Variants in CHN2 observed in about 807,000 individuals in gnomAD.
CHN2 encodes chimerin 2.
A neutral mutation model predicts 56.3 loss-of-function variants in CHN2; 35 were observed. The ratio of observed to expected loss-of-function variants is 0.62; its 90% CI spans 0.47 to 0.82. The LOEUF is 0.82. Among genes scored for constraint, CHN2 ranks in the 40% least tolerant of loss-of-function variants. CHN2 has a pLI of 0.00. For synonymous variants in CHN2, 210 were observed against 212.8 expected, an observed-to-expected ratio of 0.99 and a Z score of 0.12; for missense variants, 491 against 580.5, an observed-to-expected ratio of 0.85 and a Z score of 1.58.
intron 1 of CHN2, among the ~76,000 whole-genome samples, chr7:29,264,242 C>T (rs1037790682): frequency 1.4e-5 from 2 of 145,670 alleles, no homozygotes; most frequent in African/African-American, 5.1e-5. Flanking sequence ...GGTGGGGGGC[C>T]CCTCTGCCCA....
intron 1 of CHN2, among the ~76,000 whole-genome samples, chr7:29,286,116 T>A (rs1438041528): frequency 2.6e-5 from 4 of 152,036 alleles, no homozygotes; most frequent in Non-Finnish European, 4.4e-5. Context: ...AGGAGCCTCT[T>A]TTCGAGGATG....
chr7:29,258,859 C>CACTTCCATCTTTCTATCTTT lies in CHN2; in HGVS notation c.49+63872_49+63891dup, dbSNP rs1348919325. Among the ~76,000 whole-genome samples the CACTTCCATCTTTCTATCTTT allele has an allele frequency of 2.6e-5, 4 of 152,122 alleles. No individual in the cohort carries two copies. In the East Asian group the frequency reaches 7.7e-4, roughly 29 times the overall value. The stretch of plus-strand genomic sequence containing the variant: ...TCTAACAGAAGTACACATGCAATCC[C>CACTTCCATCTTTCTATCTTT]ACTTCCATCTTTCTATCTTTACAAG... On this transcript the variant is annotated intron_variant, in intron 1 of 12. Transcript: ENST00000222792.
chr7:29,223,894 A>T (rs1300476598), intron 1 of CHN2, among the ~76,000 whole-genome samples: 1 of 152,166 alleles, frequency 6.6e-6, no homozygotes, highest in Non-Finnish European at 1.5e-5. Flanking sequence ...CAAAAATTTT[A>T]GTTGCGATGT....
intron 6 of CHN2, among the ~76,000 whole-genome samples, chr7:29,412,253 A>C (rs1290026279): frequency 2.0e-5 from 3 of 150,762 alleles, no homozygotes; most frequent in African/African-American, 7.3e-5. Context: ...GCTCCACAAC[A>C]TATATATATG....
At chr7:29,194,649 C>G (rs1783386821), upstream of CHN2, 1 of 322,458 alleles carries the variant, frequency 3.1e-6, no homozygotes, top group Admixed American at 5.1e-5. Context: ...CGAGATCCGC[C>G]CGTCCCGGCT....
intron 1 of CHN2, among the ~76,000 whole-genome samples, chr7:29,296,455 T>G (rs900080158): frequency 6.6e-6 from 1 of 152,234 alleles, no homozygotes; most frequent in Non-Finnish European, 1.5e-5. Context: ...ATGCTGTATT[T>G]GTAAGGATTC....
intron 1 of CHN2, among the ~76,000 whole-genome samples, chr7:29,268,316 A>G (rs1790320907): frequency 1.3e-5 from 2 of 151,488 alleles, no homozygotes; most frequent in Admixed American, 1.3e-4. Context: ...ACACACACAC[A>G]CACACAATGT....
chr7:29,506,628 T>C (rs1030898125), intron 10 of CHN2, among the ~76,000 whole-genome samples: 15 of 152,172 alleles, frequency 9.9e-5, no homozygotes, highest in Admixed American at 5.9e-4. Context: ...CAGAGTGAGA[T>C]TCTGTCTCAC....
intron 1 of CHN2, among the ~76,000 whole-genome samples, chr7:29,317,313 C>T (rs1795022471): frequency 6.6e-6 from 1 of 152,192 alleles, no homozygotes; most frequent in East Asian, 1.9e-4. Context: ...TAAATTGGTA[C>T]GAGTAATGAT....
chr7:29,252,583 T>TTTTTTTTTTTTTGTTTTG (rs1788681880), intron 1 of CHN2, among the ~76,000 whole-genome samples: 1 of 19,252 alleles, frequency 5.2e-5, no homozygotes, highest in Non-Finnish European at 8.0e-5. Flanking sequence ...TCTTTGTTTT[T>TTTTTTTTTTTTTGTTTTG]TTTTTTTTTT....
chr7:29,223,341 C>T lies in CHN2; in HGVS notation c.49+28351C>T, dbSNP rs139304134. 1.5e-3 allele frequency among the ~76,000 whole-genome samples: 232 copies of T among 152,262 alleles called. 1 individual carries two copies. The highest frequency in any genetic ancestry group is 5.2e-3 in the African/African-American group (217 of 41,556). ...GCATCCCAAACCCCTCTCATTTAGT[C>T]TTGCCTTGTGTCCACAGCCTTCTCA... On this transcript the variant is annotated intron_variant, in intron 1 of 12. Transcript: ENST00000222792.
intron 1 of CHN2, among the ~76,000 whole-genome samples, chr7:29,258,508 TC>T (rs1789258265): frequency 1.3e-5 from 2 of 152,310 alleles, no homozygotes; most frequent in South Asian, 2.1e-4. Flanking sequence ...GCCTGTTAAT[TC>T]CCTTTTCTTC....
At chr7:29,338,677 C>T (rs1796811366) in intron 1 of CHN2, among the ~76,000 whole-genome samples, 1 of 152,176 alleles carries the variant, frequency 6.6e-6, no homozygotes, top group African/African-American at 2.4e-5. Flanking sequence ...CTCCCAGGTT[C>T]AAGCAATTCT....
rs1167349309 is a variant in CHN2, at chr7:29,200,381, CCTCT to C, written c.49+5392_49+5395del. Among the ~76,000 whole-genome samples, 29 of 146,328 alleles carry C rather than the reference CCTCT, an allele frequency of 2.0e-4. No homozygotes were observed. The East Asian group carries it at 3.9e-3, about 20-fold the overall frequency. ...CCCTCCCTACCTTCCCTCCTCCCTC[CCTCT>C]ATCCACCTTCTTCTCCTTCCTTCCT... is the stretch of plus-strand genomic sequence containing the variant. On this transcript the variant is annotated intron_variant, in intron 1 of 12. Coordinates refer to ENST00000222792, the MANE Select transcript of CHN2 (RefSeq NM_004067.4).
At chr7:29,328,757 C>T (rs1795995491) in intron 1 of CHN2, among the ~76,000 whole-genome samples, 2 of 151,890 alleles carry the variant, frequency 1.3e-5, no homozygotes, top group Middle Eastern at 7.0e-3. Flanking sequence ...CAGGTAAACA[C>T]GGTTGTTTCT....
rs772092920 is a variant in CHN2 at position 29,400,511 on chromosome 7, G to A, written c.291-32G>A. Reference sequence around the variant, plus strand: ...ATTCCACACTGTGCTTATTTCTAACGTGGTTGTAATCCCTCATTCTCTCAC... The same window carrying A: ...ATTCCACACTGTGCTTATTTCTAACATGGTTGTAATCCCTCATTCTCTCAC... On this transcript the variant is annotated intron_variant, in intron 5 of 12. Transcript: ENST00000222792. 9 of 1,605,118 alleles carry A rather than the reference G, an allele frequency of 5.6e-6. No homozygotes were observed. In the Admixed American group the frequency reaches 8.4e-5, roughly 15 times the overall value.
intron 1 of CHN2, among the ~76,000 whole-genome samples, chr7:29,232,591 A>T (rs978697317): frequency 2.0e-5 from 3 of 152,252 alleles, no homozygotes; most frequent in African/African-American, 7.2e-5. Context: ...GGTAGCTTCA[A>T]ACTTGAAAAC....
chr7:29,272,182 C>A (rs189048744), intron 1 of CHN2, among the ~76,000 whole-genome samples: 1 of 152,080 alleles, frequency 6.6e-6, no homozygotes, highest in African/African-American at 2.4e-5. Context: ...GTGACAGACA[C>A]GGAGTCCGCC....
chr7:29,234,070 T>C (rs1313632706), intron 1 of CHN2, among the ~76,000 whole-genome samples: 1 of 151,126 alleles, frequency 6.6e-6, no homozygotes, highest in African/African-American at 2.4e-5. Flanking sequence ...CCTGACCTCG[T>C]GATCCGCCCG....
Sources: allele counts gnomAD v4.1 joint callset (sites outside exome capture counted in the v4.1 genomes callset), GRCh38; gene constraint gnomAD v4.1.1; transcripts MANE v1.5; gene names NCBI Gene and HGNC (gene_info 2026-07-23, HGNC 2026-07-21).